The following HACE1 variants were observed in gnomAD, a reference collection of about 807,000 sequenced individuals.
The protein encoded by HACE1 is E3 ubiquitin-protein ligase HACE1.
A neutral mutation model predicts 118.4 loss-of-function variants in HACE1; 73 were observed. The ratio of observed to expected loss-of-function variants is 0.62; its 90% CI spans 0.51 to 0.75. The LOEUF is 0.75. HACE1 is among the 30% of genes least tolerant of loss of function. The probability of loss-of-function intolerance (pLI) is 0.00; values close to 1 mark genes in which losing one functional copy is unlikely to be tolerated. For missense variants in HACE1, 749 were observed against 1,102.2 expected, an observed-to-expected ratio of 0.68 and a Z score of 4.54; for synonymous variants, 368 against 374.8, an observed-to-expected ratio of 0.98 and a Z score of 0.21.
intron 19 of HACE1, among the ~76,000 whole-genome samples, chr6:104,766,402 G>T (rs1482786522): frequency 6.6e-6 from 1 of 152,110 alleles, no homozygotes; most frequent in Non-Finnish European, 1.5e-5. Flanking sequence ...CTTCATGTCA[G>T]TACTCGAAAA....
intron 4 of HACE1, among the ~76,000 whole-genome samples, chr6:104,844,597 C>T (rs923641492): frequency 4.6e-5 from 7 of 151,910 alleles, no homozygotes; most frequent in Admixed American, 3.3e-4. Context: ...CACCCCCACC[C>T]CCCCAAGCCT....
At chr6:104,826,860 A>C (rs1773390775) in intron 6 of HACE1, among the ~76,000 whole-genome samples, 1 of 152,164 alleles carries the variant, frequency 6.6e-6, no homozygotes. Context: ...ACCAAAAAAA[A>C]CTATCTATTC....
chr6:104,852,197 G>GTC (rs200080629), intron 2 of HACE1, 120 bp downstream of exon 2: 3 of 609,728 alleles, frequency 4.9e-6, no homozygotes, highest in Admixed American at 4.6e-5. Context: ...TGTCCAAACT[G>GTC]TCTGTGTGTG....
intron 7 of HACE1, among the ~76,000 whole-genome samples, chr6:104,798,069 G>GAA (rs11331345): frequency 7.8e-6 from 1 of 128,212 alleles, no homozygotes; most frequent in Non-Finnish European, 1.7e-5. Flanking sequence ...ACCCCGTCTC[G>GAA]AAAAAAAAAA....
At chr6:104,805,037 T>C (rs752801360) in intron 7 of HACE1, among the ~76,000 whole-genome samples, 1 of 151,976 alleles carries the variant, frequency 6.6e-6, no homozygotes, top group Non-Finnish European at 1.5e-5. Flanking sequence ...CCCATCAAAA[T>C]TGGGCAAAGG....
At chr6:104,831,984 A>AGG (rs201781305) in intron 6 of HACE1, among the ~76,000 whole-genome samples, 623 of 58,502 alleles carry the variant, frequency 0.011, 22 homozygotes, top group Non-Finnish European at 0.014. Flanking sequence ...AGAAGAGAGG[A>AGG]AGGAAGGAAG....
rs187052126 is a variant in HACE1, at chr6:104,751,115, T to C, written c.2212-643A>G. 1.2e-4 allele frequency among the ~76,000 whole-genome samples: 19 copies of C among 152,324 alleles called. No individual in the cohort carries two copies. In the East Asian group the frequency reaches 3.7e-3, roughly 29 times the overall value. On this transcript the variant is annotated intron_variant, in intron 19 of 23. Transcript: ENST00000262903. ...TTCATTCACTCAATTCTAGTTTCAC[T>C]GGCTTTCTGGCTATTCCCAAAACAC...
At chr6:104,832,169 T>C (rs1336532569) in intron 6 of HACE1, among the ~76,000 whole-genome samples, 1 of 152,082 alleles carries the variant, frequency 6.6e-6, no homozygotes, top group African/African-American at 2.4e-5. Context: ...TCTCCAAAAT[T>C]GAGGCTTAAC....
chr6:104,819,875 A>C (rs952289130), intron 6 of HACE1, among the ~76,000 whole-genome samples: 1 of 152,210 alleles, frequency 6.6e-6, no homozygotes, highest in Non-Finnish European at 1.5e-5. Flanking sequence ...ATATACAAAA[A>C]TTAACTCAAA....
At chr6:104,800,634 C>T (rs1770225949) in intron 7 of HACE1, among the ~76,000 whole-genome samples, 1 of 152,178 alleles carries the variant, frequency 6.6e-6, no homozygotes, top group Non-Finnish European at 1.5e-5. Context: ...AGGGACCTGA[C>T]TGTTAGAAGG....
In HACE1 at chr6:104,859,895, C is replaced by A. The variant is rs867511954; in HGVS notation, c.-253G>T. Reference sequence around the variant, plus strand: ...TTTCCTGCAGCCCCCGCCGCCGCGTCCCTCCCGGGCTCGCGTGGCCTTCTG... The same window carrying A: ...TTTCCTGCAGCCCCCGCCGCCGCGTACCTCCCGGGCTCGCGTGGCCTTCTG... On this transcript the variant is annotated 5_prime_UTR_variant, in exon 1 of 24. Transcript: ENST00000262903. 1 of 471,442 alleles carries A rather than the reference C, an allele frequency of 2.1e-6. No individual in the cohort carries two copies. The highest frequency in any genetic ancestry group is 4.0e-5 in the East Asian group (1 of 25,090). 29.2% of individuals were successfully genotyped at this position (471,442 alleles called of 1,614,324 possible).
At chr6:104,806,438 G>T (rs941347317) in intron 7 of HACE1, among the ~76,000 whole-genome samples, 1 of 151,930 alleles carries the variant, frequency 6.6e-6, no homozygotes, top group Admixed American at 6.6e-5. Flanking sequence ...CTCCAGCCTG[G>T]GTGGCAGAAC....
chr6:104,826,918 T>A (rs1205223159), intron 6 of HACE1, among the ~76,000 whole-genome samples: 1 of 152,086 alleles, frequency 6.6e-6, no homozygotes, highest in Non-Finnish European at 1.5e-5. Flanking sequence ...CCTTACAGAA[T>A]AAGAAACTAT....
In HACE1 at chr6:104,823,254, T is replaced by C. The variant is rs548985701; in HGVS notation, c.534+9788A>G. ...TTCAAGATCAGCCTGGCCAACATGG[T>C]GAAACACTGTCTCTACTAAAAATAC... On this transcript the variant is annotated intron_variant, in intron 6 of 23. Transcript: ENST00000262903. Among the ~76,000 whole-genome samples the C allele has an allele frequency of 4.6e-5, 7 of 152,200 alleles. No individual in the cohort carries two copies. In the South Asian group the frequency reaches 1.5e-3, roughly 32 times the overall value.
intron 6 of HACE1, chr6:104,825,018 G>A (rs1773167651): frequency 6.7e-6 from 1 of 149,784 alleles, no homozygotes; most frequent in African/African-American, 2.5e-5. Context: ...GGGAGGTGGA[G>A]CTTGCAGTGA....
chr6:104,803,932 T>C (rs1770693321), intron 7 of HACE1, among the ~76,000 whole-genome samples: 3 of 152,180 alleles, frequency 2.0e-5, no homozygotes, highest in Non-Finnish European at 4.4e-5. Context: ...CTGTCCCTGT[T>C]TGCAGATGAC....
Position 104,750,410 on chromosome 6 carries a change from A to G in HACE1, c.2274T>C (p.Asn758=), listed in dbSNP as rs1777913945. 6.2e-7 allele frequency: 1 copy of G among 1,613,254 alleles called. No homozygotes were observed. The highest frequency in any genetic ancestry group is 8.5e-7 in the Non-Finnish European group (1 of 1,179,302). ...RMTRAIQPQI[N]AFLQGFHMFI... is the part of the protein sequence containing the mutation. ...ACATATGAAAGCCCTGTAAAAAAGC[A>G]TTGATCTGAGGCTGAATGGCTCTTG... The change falls in exon 20 of 24, where the codon AAT becomes AAC. Residue 758 remains asparagine, a synonymous_variant. Coordinates refer to ENST00000262903, the MANE Select transcript of HACE1 (RefSeq NM_020771.4).
chr6:104,782,052 G>A (rs1476424199), intron 14 of HACE1, among the ~76,000 whole-genome samples: 1 of 143,186 alleles, frequency 7.0e-6, no homozygotes, highest in Non-Finnish European at 1.5e-5. Flanking sequence ...TTTTAATTTG[G>A]CAATTAAAAG....
At chr6:104,854,223 A>G (rs1354703485) in intron 1 of HACE1, among the ~76,000 whole-genome samples, 2 of 152,224 alleles carry the variant, frequency 1.3e-5, no homozygotes, top group Non-Finnish European at 2.9e-5. Flanking sequence ...ACAAAGAAAA[A>G]CTAAAGAACT....
Sources: gnomAD v4.1 joint callset for allele counts (sites outside exome capture counted in the v4.1 genomes callset) on GRCh38, gnomAD v4.1.1 for gene constraint, MANE v1.5 for transcripts, NCBI Gene and HGNC (gene_info 2026-07-23, HGNC 2026-07-21) for gene names.